Variants in GK observed in about 807,000 individuals in gnomAD.
GK encodes ATP:glycerol 3-phosphotransferase.
Under a neutral mutation model 56.4 loss-of-function variants are expected in GK, and 9 were observed. The ratio of observed to expected loss-of-function variants is 0.16; its 90% CI spans 0.10 to 0.28. The LOEUF is 0.28. GK is among the 10% of genes least tolerant of loss of function. The probability of loss-of-function intolerance (pLI) is 1.00; values close to 1 mark genes in which losing one functional copy is unlikely to be tolerated. For synonymous variants in GK, 104 were observed against 144.1 expected (o/e 0.72, Z 1.99); for missense variants, 161 against 431.4 (o/e 0.37, Z 5.55).
rs6616287 is a variant in GK at position 30,729,429 on chromosome X, A to G, written c.*687A>G. 2 of 107,062 alleles carry G rather than the reference A, an allele frequency of 1.9e-5. No homozygotes were observed. Among genetic ancestry groups the G allele is most frequent in the Non-Finnish European group, 3.9e-5 (2 of 50,782 alleles). The allele number at this position is 107,062 out of a possible 1,213,427, so 8.8% of individuals were successfully genotyped here. ...GAAAAGATACTTTCTTTTTTCTTCCATCTTTCCTTTTTATATTTTTTACTT... is the reference window on the plus strand; with the variant it reads ...GAAAAGATACTTTCTTTTTTCTTCCGTCTTTCCTTTTTATATTTTTTACTT... On this transcript the variant is annotated 3_prime_UTR_variant, in exon 21 of 21. Coordinates refer to ENST00000427190, the MANE Select transcript of GK (RefSeq NM_001205019.2).
At chrX:30,711,272 C>T (rs749201656) in intron 13 of GK, among the ~76,000 whole-genome samples, 2 of 110,889 alleles carry the variant, frequency 1.8e-5, no homozygotes, top group African/African-American at 3.3e-5. Flanking sequence ...GTTTTTCCCA[C>T]ATCCCTTCTG....
chrX:30,664,561 CA>C (rs1932943974), intron 1 of GK, among the ~76,000 whole-genome samples: 1 of 109,739 alleles, frequency 9.1e-6, no homozygotes, highest in South Asian at 3.9e-4. Context: ...GATCGTATTA[CA>C]CTTCTTTGTT....
intron 8 of GK, 69 bp downstream of exon 8, chrX:30,696,752 A>T (rs1468303186): frequency 1.2e-6 from 1 of 824,668 alleles, no homozygotes; most frequent in East Asian, 3.2e-5. Flanking sequence ...AAACCTAATA[A>T]TTAAAGTTTT....
intron 11 of GK, among the ~76,000 whole-genome samples, chrX:30,701,613 G>C (rs1935669093): frequency 8.9e-6 from 1 of 111,966 alleles, no homozygotes; most frequent in African/African-American, 3.2e-5. Context: ...TTATATTTTT[G>C]TGGGATTTTC....
rs368680762 is a variant in GK, at chrX:30,676,943, GCA to G, written c.260-413_260-412del. ...TCTTAAAATGTAGGCATGTACATGT[GCA>G]CACACACACACACACACAAATGCAC... is the stretch of plus-strand genomic sequence containing the variant. On this transcript the variant is annotated intron_variant, in intron 3 of 20. Coordinates refer to ENST00000427190, the MANE Select transcript of GK (RefSeq NM_001205019.2). Among the ~76,000 whole-genome samples, 825 of 108,434 alleles carry G rather than the reference GCA, an allele frequency of 7.6e-3. 5 individuals carry two copies. The highest frequency in any genetic ancestry group is 0.012 in the Non-Finnish European group (601 of 52,021). The allele number at this position is 108,434 out of a possible 115,157, so 94.2% of individuals were successfully genotyped here.
intron 1 of GK, among the ~76,000 whole-genome samples, chrX:30,661,511 TCAA>T (rs34792758): frequency 0.18 from 19,754 of 110,051 alleles, 1,419 homozygotes; most frequent in Admixed American, 0.25. Flanking sequence ...TCCTTTCTCA[TCAA>T]CAAGTACTGT....
At chrX:30,705,501 A>G (rs1223880053) in intron 11 of GK, among the ~76,000 whole-genome samples, 1 of 112,470 alleles carries the variant, frequency 8.9e-6, no homozygotes, top group African/African-American at 3.2e-5. Context: ...CCCTGCCCCT[A>G]TGCGCCATCT....
chrX:30,687,511 C>T (rs1384171016), intron 4 of GK: 1 of 341,963 alleles, frequency 2.9e-6, no homozygotes, highest in African/African-American at 2.6e-5. Flanking sequence ...GTGAATTGCC[C>T]TTATTTCTTC....
chrX:30,710,109 TC>T (rs1297186574), intron 13 of GK, among the ~76,000 whole-genome samples: 1 of 111,795 alleles, frequency 8.9e-6, no homozygotes, highest in African/African-American at 3.2e-5. Flanking sequence ...TACCCTCCTA[TC>T]CCCTTGTTTT....
At chrX:30,678,671 GTT>G (rs35987506) in intron 4 of GK, among the ~76,000 whole-genome samples, 6 of 85,764 alleles carry the variant, frequency 7.0e-5, no homozygotes, top group East Asian at 3.5e-4. Flanking sequence ...TTTCTGTGGT[GTT>G]TTTTTTTTTT....
chrX:30,711,384 T>C (rs1296155491), intron 13 of GK, among the ~76,000 whole-genome samples: 6 of 111,790 alleles, frequency 5.4e-5, no homozygotes, highest in Non-Finnish European at 5.6e-5. Context: ...TCTTTATCAT[T>C]GATGTTCTGT....
intron 1 of GK, among the ~76,000 whole-genome samples, chrX:30,663,491 T>A (rs55883705): frequency 9.0e-6 from 1 of 110,972 alleles, no homozygotes; most frequent in East Asian, 2.8e-4. Flanking sequence ...GCTAATGGAG[T>A]TGGTATCCTA....
At position 30,729,064 on chromosome X, in the gene GK, A is replaced by G. The variant is rs1937256360; in HGVS notation, c.*322A>G. The G allele has an allele frequency of 3.5e-6, 1 of 288,546 alleles. No homozygotes were observed. The highest frequency in any genetic ancestry group is 2.7e-5 in the African/African-American group (1 of 36,918). 23.8% of individuals were successfully genotyped at this position (288,546 alleles called of 1,213,427 possible). On this transcript the variant is annotated 3_prime_UTR_variant, in exon 21 of 21. Transcript: ENST00000427190. ...AGATGTAGGAAGAATTCGGATCCTT[A>G]CCATTGGAATCTTCCATCGAACATA...
At chrX:30,696,555 T>C in intron 7 of GK, 62 bp from the exon 8 acceptor site, 1 of 802,328 alleles carries the variant, frequency 1.2e-6, no homozygotes, top group Admixed American at 2.4e-5. Context: ...TTTAAATACA[T>C]ATAAATGTTT....
In GK at chrX:30,665,525, A is replaced by T; in HGVS notation, c.93A>T (p.Lys31Asn). 1 of 1,132,480 alleles carries T rather than the reference A, an allele frequency of 8.8e-7. No homozygotes were observed. The highest frequency in any genetic ancestry group is 3.0e-5 in the East Asian group (1 of 33,451). The allele number at this position is 1,132,480 out of a possible 1,213,427, so 93.3% of individuals were successfully genotyped here. A position where few individuals can be genotyped will look rare whatever the true frequency, so the allele number is the denominator to read the frequency against. Residue 31 changes from lysine (K) to asparagine (N), a missense_variant, in exon 2 of 21, where the codon AAA becomes AAT. Physicochemically the swap from Lys to Asn is moderately conservative, Grantham distance 94. Transcript: ENST00000427190. ...SSTRFLVFNS[K>N]TAELLSHHQV... ...ATCTTTTTCAGGTTTTCAATTCAAA[A>T]ACAGCTGAACTACTTAGTCATCATC...
chrX:30,694,475 G>C lies in GK; in HGVS notation c.490G>C (p.Val164Leu). 1 of 1,205,943 alleles carries C rather than the reference G, an allele frequency of 8.3e-7. No homozygotes were observed. Among genetic ancestry groups the C allele is most frequent in the Non-Finnish European group, 1.1e-6 (1 of 890,176 alleles). ...LRWLLDNVRKVQKAVEEKRAL... is the reference protein window; with the variant it reads ...LRWLLDNVRKLQKAVEEKRAL... ...TTGGCTCCTTGACAATGTGAGAAAA[G>C]TTCAAAAGGCCGTTGAAGAAAAACG... Residue 164 changes from valine to leucine, a missense_variant, in exon 6 of 21, where the codon GTT becomes CTT. By Grantham distance (32) the Val-to-Leu change is conservative (BLOSUM62 1). Transcript: ENST00000427190.
intron 13 of GK, among the ~76,000 whole-genome samples, chrX:30,715,511 A>C (rs1400790482): frequency 1.8e-5 from 2 of 112,197 alleles, no homozygotes; most frequent in East Asian, 5.5e-4. Flanking sequence ...ACCTAGAACA[A>C]GGGCTGATTC....
chrX:30,701,618 A>G (rs959540127), intron 11 of GK, among the ~76,000 whole-genome samples: 1 of 111,606 alleles, frequency 9.0e-6, no homozygotes, highest in Non-Finnish European at 1.9e-5. Context: ...TTTTTGTGGG[A>G]TTTTCAAGGT....
intron 14 of GK, among the ~76,000 whole-genome samples, chrX:30,718,992 G>A (rs756261365): frequency 9.9e-5 from 11 of 110,897 alleles, no homozygotes; most frequent in Non-Finnish European, 1.9e-4. Context: ...GTATTAATAC[G>A]GCTGTTTTCA....
Sources: allele counts gnomAD v4.1 joint callset (sites outside exome capture counted in the v4.1 genomes callset), GRCh38; gene constraint gnomAD v4.1.1; transcripts MANE v1.5; gene names NCBI Gene and HGNC (gene_info 2026-07-23, HGNC 2026-07-21).